Variants in ARHGAP32 observed in about 807,000 individuals in gnomAD.
ARHGAP32 encodes rho GTPase-activating protein 32.
A neutral mutation model predicts 186.5 loss-of-function variants in ARHGAP32; 51 were observed. That is an observed-to-expected ratio of 0.27 (90% CI 0.22 to 0.35). The LOEUF (loss-of-function observed/expected upper bound fraction) is 0.35, where lower values mean the gene tolerates loss of function less well. Among genes scored for constraint, ARHGAP32 ranks in the 10% least tolerant of loss-of-function variants. ARHGAP32 has a pLI of 1.00. For missense variants in ARHGAP32, 2,186 were observed against 2,623.5 expected (o/e 0.83, Z 3.64); for synonymous variants, 950 against 964.3 (o/e 0.99, Z 0.27).
chr11:129,045,689 G>A (rs1939778025), intron 10 of ARHGAP32, among the ~76,000 whole-genome samples: 1 of 152,168 alleles, frequency 6.6e-6, no homozygotes, highest in Admixed American at 6.5e-5. Context: ...TATTAGCTAT[G>A]TCATCTTGTT....
Position 128,972,897 on chromosome 11 carries a change from C to A in ARHGAP32, c.3609G>T (p.Lys1203Asn), listed in dbSNP as rs1945429565. Reference protein sequence around the residue: ...HVSFPEDQSGKNSMPTVSFLD... With the variant: ...HVSFPEDQSGNNSMPTVSFLD... ...AGAAGGAGACAGTTGGCATACTGTT[C>A]TTCCCAGACTGGTCTTCAGGGAAAC... Residue 1203 changes from lysine (K) to asparagine (N), a missense_variant, in exon 22 of 23, where the codon AAG becomes AAT. Lys to Asn is a moderately conservative substitution (Grantham distance 94). Transcript: ENST00000682385. 1 of 1,613,874 alleles carries A rather than the reference C, an allele frequency of 6.2e-7. No individual in the cohort carries two copies. Among genetic ancestry groups the A allele is most frequent in the Non-Finnish European group, 8.5e-7 (1 of 1,180,026 alleles).
chr11:128,970,829 A>G lies in ARHGAP32; in HGVS notation c.4384T>C (p.Ser1462Pro), dbSNP rs1267792731. The change falls in exon 23 of 23, where the codon TCC (serine) becomes CCC (proline). Residue 1462 changes from serine (S) to proline (P), a missense_variant. Physicochemically the swap from Ser to Pro is moderately conservative, Grantham distance 74. This residue lies in a region of ARHGAP32 where 1,502 missense variants were observed against 1,570.0 expected (regional missense o/e 0.96). Transcript: ENST00000682385. The surrounding 1 kb of genome is among the most constrained non-coding windows in gnomAD (Gnocchi z 5.8). ...SNYHSFVTAS[S>P]TSVDDALPLP... ...GGCAATGCATCGTCCACAGAGGTGG[A>G]TGAAGCAGTGACAAAGGAATGATAA... The G allele has an allele frequency of 1.2e-6, 2 of 1,614,236 alleles. No individual in the cohort carries two copies. The highest frequency in any genetic ancestry group is 3.3e-5 in the Admixed American group (2 of 60,030).
intron 6 of ARHGAP32, among the ~76,000 whole-genome samples, chr11:129,075,824 G>A (rs778374600): frequency 7.9e-5 from 12 of 152,134 alleles, no homozygotes; most frequent in African/African-American, 2.9e-4. Flanking sequence ...AGTGTCAGAG[G>A]TGTTTGAACC....
chr11:129,082,803 C>G (rs1185117110), intron 6 of ARHGAP32, among the ~76,000 whole-genome samples: 1 of 151,742 alleles, frequency 6.6e-6, no homozygotes, highest in Admixed American at 6.6e-5. Flanking sequence ...CAGAGTGAGA[C>G]AAAATCTCCA....
At chr11:129,220,076 C>A (rs1006863400) in intron 1 of ARHGAP32, among the ~76,000 whole-genome samples, 3 of 152,168 alleles carry the variant, frequency 2.0e-5, no homozygotes, top group Admixed American at 1.3e-4. Flanking sequence ...GCATAAATTA[C>A]TTTAGAAAAC....
intron 5 of ARHGAP32, among the ~76,000 whole-genome samples, chr11:129,122,731 T>C (rs575028556): frequency 8.1e-4 from 123 of 152,226 alleles, no homozygotes; most frequent in Middle Eastern, 3.4e-3. Context: ...GGAGTTTTCT[T>C]CTGGAGAGAC....
intron 10 of ARHGAP32, among the ~76,000 whole-genome samples, chr11:129,058,081 A>C (rs975945058): frequency 6.6e-6 from 1 of 152,058 alleles, no homozygotes; most frequent in Non-Finnish European, 1.5e-5. Flanking sequence ...GCAAATGAAC[A>C]CAGTACCTAA....
chr11:128,969,272 A>C lies in ARHGAP32; in HGVS notation c.5941T>G (p.Tyr1981Asp). 1.2e-6 allele frequency: 2 copies of C among 1,614,170 alleles called. No homozygotes were observed. Among genetic ancestry groups the C allele is most frequent in the Non-Finnish European group, 1.7e-6 (2 of 1,180,020 alleles). The change falls in exon 23 of 23, where the codon TAC (tyrosine) becomes GAC (aspartate). Residue 1981 changes from tyrosine (Y) to aspartate (D), a missense_variant. Coordinates refer to ENST00000682385, the MANE Select transcript of ARHGAP32 (RefSeq NM_001378024.1). This position sits in a 1 kb window ranked among gnomAD's most constrained non-coding sequence, Gnocchi z 4.8. ...SAPEKHSRDC[Y>D]KEEEHLTQSI... ...TGAGTGAGGTGTTCTTCCTCCTTGT[A>C]GCAGTCTCTGGAGTGTTTCTCTGGG...
rs540986150 is a variant in ARHGAP32, at chr11:129,111,941, T to C, written c.444+11505A>G. 1.2e-3 allele frequency among the ~76,000 whole-genome samples: 184 copies of C among 152,236 alleles called. 2 individuals are homozygous for C. Among genetic ancestry groups the C allele is most frequent in the Middle Eastern group, 3.4e-3 (1 of 294 alleles). On this transcript the variant is annotated intron_variant, in intron 5 of 22. Transcript: ENST00000682385. ...TATGCCTGGCTAATGTTTGTATTTTTAGTAGAGATGGGGTTTCACCAGGTT... is the reference window on the plus strand; with the variant it reads ...TATGCCTGGCTAATGTTTGTATTTTCAGTAGAGATGGGGTTTCACCAGGTT...
chr11:129,123,423 A>T lies in ARHGAP32; in HGVS notation c.444+23T>A. ...GTAAATGTGTAAATCTTAATTCAAG[A>T]TGTAAGAAATATTTCAGTATACCTG... On this transcript the variant is annotated intron_variant, in intron 5 of 22. Transcript: ENST00000682385. This position sits in a 1 kb window ranked among gnomAD's most constrained non-coding sequence, Gnocchi z 4.6. 1.9e-6 allele frequency: 3 copies of T among 1,582,442 alleles called. No individual in the cohort carries two copies. The highest frequency in any genetic ancestry group is 2.6e-6 in the Non-Finnish European group (3 of 1,152,586).
chr11:129,141,315 T>A (rs1044399693), intron 2 of ARHGAP32, among the ~76,000 whole-genome samples: 31 of 150,992 alleles, frequency 2.1e-4, no homozygotes, highest in African/African-American at 7.7e-4. Context: ...GTTCATGTCC[T>A]TTGTAGCGAC....
intron 6 of ARHGAP32, among the ~76,000 whole-genome samples, chr11:129,069,263 T>C (rs1030375500): frequency 6.6e-6 from 1 of 152,106 alleles, no homozygotes; most frequent in Non-Finnish European, 1.5e-5. Context: ...AGCTTGGCTC[T>C]AGGACCACAA....
In ARHGAP32 at chr11:129,192,212, A is replaced by G; in HGVS notation, c.-14T>C. 1 of 1,583,764 alleles carries G rather than the reference A, an allele frequency of 6.3e-7. No homozygotes were observed. Among genetic ancestry groups the G allele is most frequent in the Non-Finnish European group, 8.7e-7 (1 of 1,154,146 alleles). The stretch of plus-strand genomic sequence containing the variant: ...TTCAGTCTCCATCTTGTACTTAAAA[A>G]ACAAAAAAAACTAAACCTCCAGGCA... On this transcript the variant is annotated 5_prime_UTR_variant, in exon 1 of 23. Transcript: ENST00000682385.
intron 1 of ARHGAP32, among the ~76,000 whole-genome samples, chr11:129,260,519 T>C (rs928786392): frequency 6.6e-5 from 10 of 152,170 alleles, no homozygotes; most frequent in Non-Finnish European, 1.5e-4. Context: ...GTGACATTTA[T>C]TTTCAAATAG....
intron 6 of ARHGAP32, among the ~76,000 whole-genome samples, chr11:129,088,776 C>A (rs1234246790): frequency 2.0e-5 from 3 of 152,146 alleles, no homozygotes; most frequent in Non-Finnish European, 2.9e-5. Context: ...GGCACAATGG[C>A]TCATGCCTAT....
intron 1 of ARHGAP32, among the ~76,000 whole-genome samples, chr11:129,244,265 A>C (rs1945057516): frequency 6.6e-6 from 1 of 152,236 alleles, no homozygotes; most frequent in Non-Finnish European, 1.5e-5. Flanking sequence ...AGTCAGAGAG[A>C]TAATTAACTT....
intron 11 of ARHGAP32, among the ~76,000 whole-genome samples, chr11:129,016,605 T>TC (rs561035675): frequency 1.1e-4 from 17 of 152,348 alleles, no homozygotes; most frequent in African/African-American, 3.6e-4. Context: ...TTTCTCTCTA[T>TC]CAATACCTCA....
chr11:129,262,562 T>C (rs1006236027), intron 1 of ARHGAP32, among the ~76,000 whole-genome samples: 4 of 152,098 alleles, frequency 2.6e-5, no homozygotes, highest in African/African-American at 9.7e-5. Context: ...TTTTGTATTT[T>C]TTTTAGTAGA....
Position 129,144,925 on chromosome 11 carries a change from C to G in ARHGAP32, c.225+19394G>C, listed in dbSNP as rs115874013. Among the ~76,000 whole-genome samples, 678 of 152,254 alleles carry G rather than the reference C, an allele frequency of 4.5e-3. 8 individuals carry two copies. The highest frequency in any genetic ancestry group is 0.016 in the African/African-American group (651 of 41,556). On this transcript the variant is annotated intron_variant, in intron 2 of 22. Transcript: ENST00000682385. ...ATTTGGAAAAAACTATTAGAAAGCA[C>G]CATTAGCATAATAATCACAACTCCT... is the stretch of plus-strand genomic sequence containing the variant.
Sources: gnomAD v4.1 joint callset for allele counts (sites outside exome capture counted in the v4.1 genomes callset) on GRCh38, gnomAD v4.1.1 for gene constraint, gnomAD v4.1.1 regional missense constraint, Gnocchi (gnomAD v3.1) non-coding constraint, MANE v1.5 for transcripts, NCBI Gene and HGNC (gene_info 2026-07-23, HGNC 2026-07-21) for gene names.